The following APAF1 variants were observed in gnomAD, a reference collection of about 807,000 sequenced individuals.
APAF1 encodes the protein apoptotic peptidase activating factor 1.
APAF1 carries 91 observed loss-of-function variants against 152.4 expected under a neutral mutation model. That is an observed-to-expected ratio of 0.60 (90% CI 0.50 to 0.71). The LOEUF (loss-of-function observed/expected upper bound fraction) is 0.71. APAF1 is among the 30% of genes least tolerant of loss of function. The probability of loss-of-function intolerance (pLI) is 0.00; values close to 1 mark genes in which losing one functional copy is unlikely to be tolerated. For synonymous variants in APAF1, 484 were observed against 494.1 expected (o/e 0.98, Z 0.27); for missense variants, 1,283 against 1,472.0 (o/e 0.87, Z 2.10).
At position 98,649,492 on chromosome 12, in the gene APAF1, A is replaced by G. The variant is rs1166292661; in HGVS notation, c.334A>G (p.Thr112Ala). The G allele has an allele frequency of 1.2e-6, 2 of 1,613,962 alleles. No homozygotes were observed. Among genetic ancestry groups the G allele is most frequent in the African/African-American group, 2.7e-5 (2 of 74,918 alleles). The change falls in exon 4 of 27, where the codon ACA becomes GCA. Residue 112 changes from threonine to alanine, a missense_variant. Physicochemically the swap from Thr to Ala is moderately conservative, Grantham distance 58 (BLOSUM62 0). Transcript: ENST00000551964. ...SVSGITSYVR[T>A]VLCEGGVPQR... ...TGTTTTGTTTTGGATTTTAGTAAGG[A>G]CAGTCCTGTGTGAAGGTGGAGTACC... is the stretch of plus-strand genomic sequence containing the variant.
At chr12:98,721,319 T>C (rs990328638) in intron 22 of APAF1, among the ~76,000 whole-genome samples, 3 of 152,210 alleles carry the variant, frequency 2.0e-5, no homozygotes, top group Non-Finnish European at 4.4e-5. Flanking sequence ...GAGTTCTTGA[T>C]GCAGAGGGCA....
chr12:98,676,402 T>C (rs1045060029), intron 12 of APAF1, among the ~76,000 whole-genome samples: 1 of 151,734 alleles, frequency 6.6e-6, no homozygotes, highest in African/African-American at 2.4e-5. Flanking sequence ...AGAGATGGGG[T>C]TTCACCATGT....
intron 14 of APAF1, 32 bp from the exon 15 acceptor site, chr12:98,683,111 A>T: frequency 6.3e-7 from 1 of 1,576,046 alleles, no homozygotes; most frequent in South Asian, 1.1e-5. Context: ...AAAATAATGG[A>T]TATTTGTAAA....
intron 22 of APAF1, among the ~76,000 whole-genome samples, chr12:98,721,257 T>C (rs2097742283): frequency 6.6e-6 from 1 of 152,236 alleles, no homozygotes; most frequent in Non-Finnish European, 1.5e-5. Flanking sequence ...ATTCTTAATC[T>C]GCCCTCAGTG....
At position 98,712,209 on chromosome 12, in the gene APAF1, G is replaced by A. The variant is rs1048188984; in HGVS notation, c.2842-110G>A. ...GCTTGTTGTTCCCCTGAGAGCTCTT[G>A]TTGGTTATTTTCTGTGTTTTATTTT... On this transcript the variant is annotated intron_variant, in intron 20 of 26. Coordinates refer to ENST00000551964, the MANE Select transcript of APAF1 (RefSeq NM_181861.2). 2.6e-5 allele frequency: 19 copies of A among 731,820 alleles called. No individual in the cohort carries two copies. The African/African-American group carries it at 3.1e-4, about 12-fold the overall frequency. 45.3% of individuals were successfully genotyped at this position (731,820 alleles called of 1,614,324 possible). A position where few individuals can be genotyped will look rare whatever the true frequency, so the allele number is the denominator to read the frequency against.
intron 24 of APAF1, among the ~76,000 whole-genome samples, chr12:98,724,882 A>G (rs1414361289): frequency 6.8e-6 from 1 of 147,600 alleles, no homozygotes; most frequent in Non-Finnish European, 1.5e-5. Flanking sequence ...AAACCATGAG[A>G]CAATATTGAA....
chr12:98,667,306 A>C lies in APAF1; in HGVS notation c.1363-207A>C, dbSNP rs1593041827. ...TTTTGTAAAAAAATTAAATATACGG[A>C]TATCTCTCTATGTTGCCCAGGCTAG... On this transcript the variant is annotated intron_variant, in intron 9 of 26. Transcript: ENST00000551964. Among the ~76,000 whole-genome samples the C allele has an allele frequency of 2.7e-5, 4 of 150,264 alleles. No homozygotes were observed. In the South Asian group the frequency reaches 8.5e-4, roughly 32 times the overall value.
At chr12:98,647,057 A>G (rs745910434) in intron 1 of APAF1, among the ~76,000 whole-genome samples, 7 of 152,166 alleles carry the variant, frequency 4.6e-5, no homozygotes, top group Non-Finnish European at 1.0e-4. Flanking sequence ...TCACTATTTT[A>G]TACAATCTTA....
intron 15 of APAF1, 114 bp from the exon 16 acceptor site, chr12:98,686,634 A>C (rs926663387): frequency 8.5e-6 from 9 of 1,062,428 alleles, no homozygotes; most frequent in Non-Finnish European, 1.2e-5. Context: ...TGAATTAAAC[A>C]TCATTCTGTA....
intron 20 of APAF1, among the ~76,000 whole-genome samples, chr12:98,709,960 C>T (rs1206833023): frequency 2.0e-5 from 3 of 152,212 alleles, no homozygotes; most frequent in African/African-American, 4.8e-5. Flanking sequence ...GCTGCAACCT[C>T]CACCTCCTGG....
rs369089258 is a variant in APAF1 at position 98,677,506 on chromosome 12, G to A, written c.1875G>A (p.Glu625=). Residue 625 remains glutamate (E), a synonymous_variant, in exon 13 of 27, where the codon GAG becomes GAA. Transcript: ENST00000551964. ...CTGTTTACCATGCCTGCTTTTCTGA[G>A]GATGGTCAGAGAATAGCTTCTTGTG... ...TDAVYHACFS[E]DGQRIASCGA... 153 of 1,614,114 alleles carry A rather than the reference G, an allele frequency of 9.5e-5. 1 individual carries two copies. The South Asian group carries it at 1.6e-3, about 16-fold the overall frequency.
chr12:98,670,302 A>G (rs992506194), intron 10 of APAF1, among the ~76,000 whole-genome samples: 6 of 152,216 alleles, frequency 3.9e-5, no homozygotes, highest in South Asian at 2.1e-4. Context: ...TAAAAATGGT[A>G]AATTTTTCTT....
intron 18 of APAF1, 68 bp from the exon 19 acceptor site, chr12:98,706,417 T>G: frequency 6.6e-7 from 1 of 1,526,278 alleles, no homozygotes; most frequent in Non-Finnish European, 9.1e-7. Flanking sequence ...TCTTGCTATT[T>G]TCAATATTTT....
intron 17 of APAF1, among the ~76,000 whole-genome samples, chr12:98,699,928 CT>C (rs1047477721): frequency 1.3e-5 from 2 of 152,124 alleles, no homozygotes; most frequent in East Asian, 1.9e-4. Context: ...TTCATCACTC[CT>C]TTTTTTTCTT....
At chr12:98,696,320 T>C (rs980524331) in intron 16 of APAF1, among the ~76,000 whole-genome samples, 1 of 152,102 alleles carries the variant, frequency 6.6e-6, no homozygotes, top group Non-Finnish European at 1.5e-5. Context: ...GGATTGAAGA[T>C]AGCGAAACCC....
rs753320288 is a variant in APAF1 at position 98,680,359 on chromosome 12, A to T, written c.2003A>T (p.Asp668Val). 1.2e-6 allele frequency: 2 copies of T among 1,613,832 alleles called. No individual in the cohort carries two copies. Among genetic ancestry groups the T allele is most frequent in the Non-Finnish European group, 1.7e-6 (2 of 1,179,962 alleles). Residue 668 changes from aspartate to valine, a missense_variant, in exon 14 of 27, where the codon GAT becomes GTT. By Grantham distance (152) the Asp-to-Val change is radical. Transcript: ENST00000551964. ...DEVLCCAFST[D>V]DRFIATCSVD... ...GTGCTTTGTTGTGCATTCTCTACAG[A>T]TGACAGATTTATAGCAACCTGCTCA...
At chr12:98,664,019 A>AT (rs925591547) in intron 7 of APAF1, among the ~76,000 whole-genome samples, 2 of 137,440 alleles carry the variant, frequency 1.5e-5, no homozygotes, top group Non-Finnish European at 3.2e-5. Context: ...TTATTTATTT[A>AT]TTTATTTTAT....
chr12:98,706,355 T>C, intron 18 of APAF1, 130 bp from the exon 19 acceptor site: 1 of 912,408 alleles, frequency 1.1e-6, no homozygotes, highest in South Asian at 1.3e-5. Context: ...ATTTTGTAGT[T>C]TTGATAGTGT....
chr12:98,648,539 T>C, intron 2 of APAF1, 42 bp downstream of exon 2: 1 of 1,609,436 alleles, frequency 6.2e-7, no homozygotes, highest in Non-Finnish European at 8.5e-7. Context: ...TAAAAATTTT[T>C]AGAATTTCAG....
Sources: gnomAD v4.1 joint callset for allele counts (sites outside exome capture counted in the v4.1 genomes callset) on GRCh38, gnomAD v4.1.1 for gene constraint, MANE v1.5 for transcripts, NCBI Gene and HGNC (gene_info 2026-07-23, HGNC 2026-07-21) for gene names.